Variants in KCNB2 observed in about 807,000 individuals in gnomAD.
KCNB2 encodes potassium voltage-gated channel subfamily B member 2, also known as delayed rectifier potassium channel protein.
KCNB2 carries 15 observed loss-of-function variants against 61.5 expected under a neutral mutation model. That is an observed-to-expected ratio of 0.24 (90% CI 0.16 to 0.38). The LOEUF (loss-of-function observed/expected upper bound fraction) is 0.38, where lower values mean the gene tolerates loss of function less well. Among genes scored for constraint, KCNB2 ranks in the 10% least tolerant of loss-of-function variants. KCNB2 has a pLI of 1.00. For synonymous variants in KCNB2, 457 were observed against 446.0 expected, an observed-to-expected ratio of 1.02 and a Z score of -0.31; for missense variants, 828 against 1,125.2, an observed-to-expected ratio of 0.74 and a Z score of 3.78.
chr8:72,888,005 T>A (rs1247360147), intron 2 of KCNB2, among the ~76,000 whole-genome samples: 1 of 152,258 alleles, frequency 6.6e-6, no homozygotes, highest in Non-Finnish European at 1.5e-5. Context: ...TCCCCAAGAT[T>A]TTAAGCTCCT....
intron 2 of KCNB2, among the ~76,000 whole-genome samples, chr8:72,568,652 T>C (rs1806664381): frequency 6.6e-6 from 1 of 151,952 alleles, no homozygotes; most frequent in Admixed American, 6.6e-5. Flanking sequence ...AGGCACTGAG[T>C]CTTGTGGAAG....
chr8:72,661,774 A>G (rs1444924924), intron 2 of KCNB2, among the ~76,000 whole-genome samples: 2 of 152,152 alleles, frequency 1.3e-5, no homozygotes, highest in Non-Finnish European at 2.9e-5. Flanking sequence ...CTTTCTTGTC[A>G]TGTCAGGGGT....
chr8:72,910,001 A>G (rs1806258778), intron 2 of KCNB2, among the ~76,000 whole-genome samples: 1 of 152,170 alleles, frequency 6.6e-6, no homozygotes, highest in Non-Finnish European at 1.5e-5. Context: ...GATCCCAATC[A>G]TCTGTGTGAC....
chr8:72,846,162 C>T lies in KCNB2; in HGVS notation c.580-89773C>T, dbSNP rs578066263. Among the ~76,000 whole-genome samples the T allele has an allele frequency of 4.6e-5, 7 of 152,234 alleles. No homozygotes were observed. In the East Asian group the frequency reaches 9.7e-4, roughly 21 times the overall value. On this transcript the variant is annotated intron_variant, in intron 2 of 2. Coordinates refer to ENST00000523207, the MANE Select transcript of KCNB2 (RefSeq NM_004770.3). ...CTGGACCGGAATGCACTGTTCCTCACGTCACAGTCCCTCACAGCTTCCCTT... is the reference window on the plus strand; with the variant it reads ...CTGGACCGGAATGCACTGTTCCTCATGTCACAGTCCCTCACAGCTTCCCTT...
intron 1 of KCNB2, among the ~76,000 whole-genome samples, chr8:72,561,764 T>TGG (rs1806532647): frequency 3.9e-5 from 1 of 25,516 alleles, no homozygotes; most frequent in Admixed American, 5.7e-4. Context: ...TATATATGGA[T>TGG]ATATATATAT....
At chr8:72,599,296 A>T (rs1409478321) in intron 2 of KCNB2, among the ~76,000 whole-genome samples, 1 of 152,170 alleles carries the variant, frequency 6.6e-6, no homozygotes, top group Non-Finnish European at 1.5e-5. Context: ...ATAATGCCGC[A>T]TATCTACAAC....
intron 2 of KCNB2, among the ~76,000 whole-genome samples, chr8:72,766,714 T>C (rs908428332): frequency 2.0e-5 from 3 of 152,208 alleles, no homozygotes; most frequent in Admixed American, 6.5e-5. Context: ...ATATGATCCA[T>C]AGATACCTAG....
chr8:72,704,468 C>T (rs571520339), intron 2 of KCNB2, among the ~76,000 whole-genome samples: 10 of 151,592 alleles, frequency 6.6e-5, no homozygotes, highest in African/African-American at 2.4e-4. Context: ...AAAACTATTA[C>T]AGCTCTCTCG....
intron 2 of KCNB2, among the ~76,000 whole-genome samples, chr8:72,850,994 T>A (rs1429659277): frequency 6.6e-6 from 1 of 152,206 alleles, no homozygotes. Flanking sequence ...AACTCTCCAC[T>A]GTGATTGGCA....
At chr8:72,629,440 T>A (rs1053712681) in intron 2 of KCNB2, among the ~76,000 whole-genome samples, 1 of 152,184 alleles carries the variant, frequency 6.6e-6, no homozygotes, top group Non-Finnish European at 1.5e-5. Flanking sequence ...AAAAACAAAC[T>A]TCTCTTCCAG....
chr8:72,669,655 T>G (rs1806531303), intron 2 of KCNB2, among the ~76,000 whole-genome samples: 1 of 152,226 alleles, frequency 6.6e-6, no homozygotes, highest in African/African-American at 2.4e-5. Context: ...TTTACAAGAA[T>G]TTGAGAGACT....
At chr8:72,712,306 A>G (rs921746797) in intron 2 of KCNB2, among the ~76,000 whole-genome samples, 2 of 152,218 alleles carry the variant, frequency 1.3e-5, no homozygotes, top group Non-Finnish European at 2.9e-5. Context: ...CCCCAGTCTT[A>G]CTGGTGGAAT....
At chr8:72,669,469 T>C (rs955963345) in intron 2 of KCNB2, among the ~76,000 whole-genome samples, 1 of 152,180 alleles carries the variant, frequency 6.6e-6, no homozygotes, top group Non-Finnish European at 1.5e-5. Flanking sequence ...AAGAGATAAA[T>C]ACATTCAAAA....
chr8:72,580,719 C>G (rs917366559), intron 2 of KCNB2, among the ~76,000 whole-genome samples: 29 of 152,230 alleles, frequency 1.9e-4, no homozygotes, highest in African/African-American at 6.5e-4. Context: ...TTTACTTATC[C>G]TATTCCTTTT....
At chr8:72,592,707 C>T (rs954716800) in intron 2 of KCNB2, among the ~76,000 whole-genome samples, 2 of 152,120 alleles carry the variant, frequency 1.3e-5, no homozygotes, top group African/African-American at 4.8e-5. Flanking sequence ...TGAGATGGAT[C>T]TGCCTTCAGC....
At chr8:72,757,545 T>C (rs192797676) in intron 2 of KCNB2, among the ~76,000 whole-genome samples, 51 of 152,244 alleles carry the variant, frequency 3.3e-4, no homozygotes, top group Admixed American at 1.4e-3. Context: ...AGATGGGTAA[T>C]TGATACCTCA....
chr8:72,694,101 TG>T, intron 2 of KCNB2, among the ~76,000 whole-genome samples: 2 of 152,354 alleles, frequency 1.3e-5, no homozygotes, highest in Admixed American at 1.3e-4. Flanking sequence ...AATAATTAAT[TG>T]TATCATAACT....
At chr8:72,592,680 A>G (rs1433238454) in intron 2 of KCNB2, among the ~76,000 whole-genome samples, 3 of 152,110 alleles carry the variant, frequency 2.0e-5, no homozygotes, top group African/African-American at 7.2e-5. Flanking sequence ...TGTCTTGGTG[A>G]ATATGAATGT....
In KCNB2 at chr8:72,938,108, TA is replaced by T. The variant is rs1318273280; in HGVS notation, c.*20del. 3 of 1,550,084 alleles carry T rather than the reference TA, an allele frequency of 1.9e-6. No homozygotes were observed. The highest frequency in any genetic ancestry group is 2.6e-6 in the Non-Finnish European group (3 of 1,141,440). ...AGCATGTGACTAGTTACAAAAGCAATAAATTGAAACAAAACAAAACAAAACA... is the reference window on the plus strand; with the variant it reads ...AGCATGTGACTAGTTACAAAAGCAATAATTGAAACAAAACAAAACAAAACA... On this transcript the variant is annotated 3_prime_UTR_variant, in exon 3 of 3. Transcript: ENST00000523207.
Sources: allele counts gnomAD v4.1 joint callset (sites outside exome capture counted in the v4.1 genomes callset), GRCh38; gene constraint gnomAD v4.1.1; transcripts MANE v1.5; gene names NCBI Gene and HGNC (gene_info 2026-07-23, HGNC 2026-07-21).